Variants in ERBB4 observed in about 807,000 individuals in gnomAD.
ERBB4 encodes the protein erb-b2 receptor tyrosine kinase 4.
ERBB4 carries 42 observed loss-of-function variants against 158.0 expected under a neutral mutation model. The ratio of observed to expected loss-of-function variants is 0.27; its 90% confidence interval spans 0.21 to 0.34. ERBB4 has a LOEUF of 0.34. Ranked by LOEUF, ERBB4 falls within the 10% of genes least tolerant of loss-of-function variation. The probability of loss-of-function intolerance (pLI) is 1.00; values close to 1 mark genes in which losing one functional copy is unlikely to be tolerated. For missense variants in ERBB4, 1,333 were observed against 1,624.1 expected (o/e 0.82, Z 3.08); for synonymous variants, 583 against 558.7 (o/e 1.04, Z -0.61).
At position 211,909,233 on chromosome 2, in the gene ERBB4, C is replaced by T. The variant is rs142579849; in HGVS notation, c.421+38197G>A. On this transcript the variant is annotated intron_variant, in intron 3 of 27. Coordinates refer to ENST00000342788, the MANE Select transcript of ERBB4 (RefSeq NM_005235.3). ...CTTTTTGACAAATATTTCCTGGCAA[C>T]GAGGAAATAAAACAATGTTGGTTGG... Among the ~76,000 whole-genome samples the T allele has an allele frequency of 2.6e-4, 39 of 151,646 alleles. 1 individual carries two copies. The East Asian group carries it at 3.5e-3, about 14-fold the overall frequency.
At chr2:211,690,087 T>A (rs905064019) in intron 12 of ERBB4, among the ~76,000 whole-genome samples, 5 of 148,708 alleles carry the variant, frequency 3.4e-5, no homozygotes, top group Admixed American at 1.4e-4. Context: ...TAATATATAA[T>A]ATACATCTAA....
At chr2:211,457,062 C>G (rs1302161483) in intron 20 of ERBB4, among the ~76,000 whole-genome samples, 4 of 152,154 alleles carry the variant, frequency 2.6e-5, no homozygotes, top group Admixed American at 2.0e-4. Context: ...TTTTTAACAA[C>G]TATTCAGTTA....
intron 1 of ERBB4, among the ~76,000 whole-genome samples, chr2:212,378,935 A>T (rs910542170): frequency 6.5e-4 from 98 of 151,900 alleles, no homozygotes; most frequent in African/African-American, 2.3e-3. Context: ...GAGGTTCTAA[A>T]ATATTTTAAT....
At chr2:211,506,761 AG>A (rs1371461440) in intron 20 of ERBB4, among the ~76,000 whole-genome samples, 3 of 152,102 alleles carry the variant, frequency 2.0e-5, no homozygotes, top group Non-Finnish European at 4.4e-5. Context: ...AGTATTGCTA[AG>A]AGGAAAGTGT....
At chr2:212,499,064 A>G (rs1690738936) in intron 1 of ERBB4, among the ~76,000 whole-genome samples, 1 of 151,946 alleles carries the variant, frequency 6.6e-6, no homozygotes, top group Non-Finnish European at 1.5e-5. Context: ...GATAAAAGCA[A>G]TAATATGAAA....
chr2:212,080,341 AAAATT>A (rs2078399920), intron 2 of ERBB4, among the ~76,000 whole-genome samples: 2 of 151,272 alleles, frequency 1.3e-5, no homozygotes, highest in African/African-American at 4.9e-5. Context: ...AATAAAAATT[AAAATT>A]AAAATTAACC....
chr2:212,084,393 CA>C (rs1481921938), intron 2 of ERBB4, among the ~76,000 whole-genome samples: 1 of 151,948 alleles, frequency 6.6e-6, no homozygotes, highest in African/African-American at 2.4e-5. Flanking sequence ...TGAAAATTCA[CA>C]AGAGGAAAGA....
intron 14 of ERBB4, among the ~76,000 whole-genome samples, chr2:211,669,269 T>G (rs10166540): frequency 0.072 from 10,524 of 147,060 alleles, 576 homozygotes; most frequent in Non-Finnish European, 0.11. Flanking sequence ...AACAACTATG[T>G]ACTTTACATG....
At chr2:212,190,400 G>T (rs908588976) in intron 1 of ERBB4, among the ~76,000 whole-genome samples, 1 of 152,114 alleles carries the variant, frequency 6.6e-6, no homozygotes, top group Non-Finnish European at 1.5e-5. Flanking sequence ...AGCCGGGCGT[G>T]GTGGCAGGTG....
intron 20 of ERBB4, among the ~76,000 whole-genome samples, chr2:211,550,574 A>AATATATATATATATATAT (rs376362405): frequency 1.7e-3 from 227 of 136,860 alleles, no homozygotes; most frequent in South Asian, 5.1e-3. Flanking sequence ...CATTCCTTAG[A>AATATATATATATATATAT]ATATATATAT....
rs78282458 is a variant in ERBB4, at chr2:212,291,613, T to C, written c.83-166710A>G. On this transcript the variant is annotated intron_variant, in intron 1 of 27. Coordinates refer to ENST00000342788, the MANE Select transcript of ERBB4 (RefSeq NM_005235.3). ...TTTCTTTCTTTTATATGGAAGTAAA[T>C]TAATTAGATGTCATCTGTAGCACAA... is the stretch of plus-strand genomic sequence containing the variant. Among the ~76,000 whole-genome samples, 798 of 152,162 alleles carry C rather than the reference T, an allele frequency of 5.2e-3. 4 individuals are homozygous for C. Among genetic ancestry groups the C allele is most frequent in the Middle Eastern group, 0.017 (5 of 294 alleles).
chr2:212,158,836 T>C (rs1263279107), intron 1 of ERBB4, among the ~76,000 whole-genome samples: 1 of 151,942 alleles, frequency 6.6e-6, no homozygotes, highest in Non-Finnish European at 1.5e-5. Flanking sequence ...AAGAAATGCC[T>C]GTCAAAAAGC....
chr2:211,978,730 C>T (rs2081703751), intron 2 of ERBB4, among the ~76,000 whole-genome samples: 1 of 152,072 alleles, frequency 6.6e-6, no homozygotes, highest in Admixed American at 6.6e-5. Context: ...TCCTAAGTAC[C>T]ATACTCAATT....
At chr2:212,191,669 A>G (rs968887662) in intron 1 of ERBB4, among the ~76,000 whole-genome samples, 6 of 149,478 alleles carry the variant, frequency 4.0e-5, no homozygotes, top group Non-Finnish European at 5.9e-5. Context: ...TACATGTCAT[A>G]TATCGCGTGT....
At chr2:212,005,769 T>C (rs2076245530) in intron 2 of ERBB4, among the ~76,000 whole-genome samples, 5 of 152,170 alleles carry the variant, frequency 3.3e-5, no homozygotes. Flanking sequence ...TTATTTTCCA[T>C]ATTTCTATTT....
intron 1 of ERBB4, among the ~76,000 whole-genome samples, chr2:212,243,782 G>A (rs1192877756): frequency 4.6e-5 from 7 of 152,006 alleles, no homozygotes; most frequent in African/African-American, 1.7e-4. Flanking sequence ...TGGAATAATA[G>A]CTATTGAGCC....
chr2:212,159,211 T>C (rs2125644212), intron 1 of ERBB4, among the ~76,000 whole-genome samples: 1 of 151,834 alleles, frequency 6.6e-6, no homozygotes, highest in Middle Eastern at 3.5e-3. Context: ...TCAGAAACTG[T>C]GAGATCATAA....
intron 17 of ERBB4, among the ~76,000 whole-genome samples, chr2:211,627,083 C>T (rs564512466): frequency 6.6e-6 from 1 of 152,266 alleles, no homozygotes; most frequent in Admixed American, 6.5e-5. Flanking sequence ...AATGAGCCTT[C>T]CCTGTGTGTG....
At chr2:211,825,700 A>G (rs1268782431) in intron 3 of ERBB4, among the ~76,000 whole-genome samples, 1 of 150,050 alleles carries the variant, frequency 6.7e-6, no homozygotes, top group Non-Finnish European at 1.5e-5. Flanking sequence ...TTATAAAACA[A>G]AGCTGAATTA....
Sources: gnomAD v4.1 joint callset for allele counts (sites outside exome capture counted in the v4.1 genomes callset) on GRCh38, gnomAD v4.1.1 for gene constraint, MANE v1.5 for transcripts, NCBI Gene and HGNC (gene_info 2026-07-23, HGNC 2026-07-21) for gene names.